GRM7: variants seen among roughly 807,000 people sequenced by gnomAD.
GRM7 encodes the protein metabotropic glutamate receptor 7.
A neutral mutation model predicts 84.5 loss-of-function variants in GRM7; 35 were observed. The observed-to-expected ratio is 0.41, with a 90% CI of 0.32 to 0.55. The LOEUF is 0.55. GRM7 is among the 20% of genes least tolerant of loss of function. The pLI is 0.19. For missense variants in GRM7, 1,003 were observed against 1,194.6 expected (o/e 0.84, Z 2.36); for synonymous variants, 487 against 455.1 (o/e 1.07, Z -0.89).
At chr3:7,699,634 C>T (rs970718968) in intron 9 of GRM7, among the ~76,000 whole-genome samples, 7 of 152,028 alleles carry the variant, frequency 4.6e-5, no homozygotes, top group Non-Finnish European at 1.0e-4. Flanking sequence ...TTTTCTGCTA[C>T]TTATTTTGGC....
At chr3:7,606,493 A>G (rs1230907600) in intron 8 of GRM7, among the ~76,000 whole-genome samples, 2 of 152,164 alleles carry the variant, frequency 1.3e-5, no homozygotes, top group East Asian at 3.9e-4. Context: ...CAATTGTGGA[A>G]CACCTTATCT....
chr3:7,533,383 C>T (rs1701118394), intron 7 of GRM7, among the ~76,000 whole-genome samples: 1 of 152,154 alleles, frequency 6.6e-6, no homozygotes, highest in South Asian at 2.1e-4. Flanking sequence ...GAACAACCTG[C>T]TCCTGAATGA....
At position 7,328,830 on chromosome 3, in the gene GRM7, C is replaced by T. The variant is rs140725460; in HGVS notation, c.1033+22178C>T. Among the ~76,000 whole-genome samples the T allele has an allele frequency of 3.4e-4, 52 of 151,972 alleles. No homozygotes were observed. In the East Asian group the frequency reaches 9.7e-3, roughly 28 times the overall value. Reference sequence around the variant, plus strand: ...TCTTTATTTCTGTGGTGCCCAGGGCCGAGTTTTGCAGATAGTAGAAACCCT... The same window carrying T: ...TCTTTATTTCTGTGGTGCCCAGGGCTGAGTTTTGCAGATAGTAGAAACCCT... On this transcript the variant is annotated intron_variant, in intron 4 of 9. Coordinates refer to ENST00000357716, the MANE Select transcript of GRM7 (RefSeq NM_000844.4).
intron 7 of GRM7, among the ~76,000 whole-genome samples, chr3:7,512,122 C>A (rs1374750054): frequency 6.6e-6 from 1 of 151,936 alleles, no homozygotes; most frequent in Non-Finnish European, 1.5e-5. Flanking sequence ...GCACTCCAGC[C>A]TGAGTGACAG....
intron 4 of GRM7, among the ~76,000 whole-genome samples, chr3:7,329,364 T>G (rs1701109528): frequency 6.6e-6 from 1 of 152,108 alleles, no homozygotes; most frequent in Non-Finnish European, 1.5e-5. Flanking sequence ...TTCCACCCAC[T>G]TGCATTGGAC....
intron 2 of GRM7, among the ~76,000 whole-genome samples, chr3:7,183,514 C>G (rs1695414862): frequency 6.6e-6 from 1 of 152,112 alleles, no homozygotes; most frequent in South Asian, 2.1e-4. Flanking sequence ...GTAGTCCCAG[C>G]TACTCGGGAG....
At chr3:7,485,570 A>T (rs1699290227) in intron 7 of GRM7, among the ~76,000 whole-genome samples, 1 of 152,236 alleles carries the variant, frequency 6.6e-6, no homozygotes, top group Admixed American at 6.5e-5. Context: ...ATTAATTTCA[A>T]GAAATTTAAA....
At chr3:7,228,520 T>A (rs886735348) in intron 2 of GRM7, among the ~76,000 whole-genome samples, 3 of 152,176 alleles carry the variant, frequency 2.0e-5, no homozygotes, top group African/African-American at 7.2e-5. Context: ...CTGTTCCAGA[T>A]CTTGTATTGT....
At chr3:7,633,050 C>T (rs1306032994) in intron 8 of GRM7, among the ~76,000 whole-genome samples, 1 of 152,244 alleles carries the variant, frequency 6.6e-6, no homozygotes, top group Non-Finnish European at 1.5e-5. Flanking sequence ...TTGATGCTTA[C>T]TCTGAAGAAG....
chr3:7,333,550 T>C (rs1701292677), intron 4 of GRM7, among the ~76,000 whole-genome samples: 1 of 152,104 alleles, frequency 6.6e-6, no homozygotes, highest in South Asian at 2.1e-4. Flanking sequence ...TCTGGTAATA[T>C]GACAAAATGA....
chr3:6,996,024 A>T lies in GRM7; in HGVS notation c.519+134117A>T, dbSNP rs2124866419. Among the ~76,000 whole-genome samples, 2 of 152,154 alleles carry T rather than the reference A, an allele frequency of 1.3e-5. 1 individual carries two copies. ...TCCAGCCATACATATGCCTGATGAC[A>T]TGTCCTTTTCTGTGTTTATAATTCT... On this transcript the variant is annotated intron_variant, in intron 1 of 9. Transcript: ENST00000357716.
intron 1 of GRM7, among the ~76,000 whole-genome samples, chr3:7,105,428 T>C (rs901357474): frequency 6.6e-6 from 1 of 151,914 alleles, no homozygotes; most frequent in African/African-American, 2.4e-5. Flanking sequence ...AAGTCTCTCC[T>C]ATAGAAGTTT....
rs146994770 is a variant in GRM7, at chr3:7,471,891, A to G, written c.1515+10169A>G. 2.8e-4 allele frequency among the ~76,000 whole-genome samples: 43 copies of G among 152,244 alleles called. No individual in the cohort carries two copies. In the East Asian group the frequency reaches 7.2e-3, roughly 25 times the overall value. ...CCATTATTCTTAAATGGGGACTGCT[A>G]TCGTTTGAATGTTTGCCCCCTCCAA... On this transcript the variant is annotated intron_variant, in intron 7 of 9. Coordinates refer to ENST00000357716, the MANE Select transcript of GRM7 (RefSeq NM_000844.4).
At chr3:7,042,745 A>G (rs902294973) in intron 1 of GRM7, among the ~76,000 whole-genome samples, 3 of 152,114 alleles carry the variant, frequency 2.0e-5, no homozygotes, top group Non-Finnish European at 1.5e-5. Flanking sequence ...GATCACATGG[A>G]ATACAGTTCT....
chr3:7,305,350 T>C lies in GRM7; in HGVS notation c.879-1148T>C, dbSNP rs550931353. ...TGCTGCTTTTTTTTTTTTCTTTTTT[T>C]TTTTTTTTAATTATACTTTAAGTTT... On this transcript the variant is annotated intron_variant, in intron 3 of 9. Transcript: ENST00000357716. Among the ~76,000 whole-genome samples, 2 of 45,142 alleles carry C rather than the reference T, an allele frequency of 4.4e-5. 1 individual carries two copies. Among genetic ancestry groups the C allele is most frequent in the East Asian group, 1.3e-3 (2 of 1,498 alleles). The allele number at this position is 45,142 out of a possible 152,430, so 29.6% of individuals were successfully genotyped here. A position where few individuals can be genotyped will look rare whatever the true frequency, so the allele number is the denominator to read the frequency against.
chr3:7,439,297 G>T (rs1308400059), intron 5 of GRM7, among the ~76,000 whole-genome samples: 2 of 152,144 alleles, frequency 1.3e-5, no homozygotes, highest in African/African-American at 4.8e-5. Flanking sequence ...GCAAAGGTCA[G>T]CAATATTTAC....
At chr3:7,648,595 G>A (rs1329726412) in intron 8 of GRM7, among the ~76,000 whole-genome samples, 3 of 151,680 alleles carry the variant, frequency 2.0e-5, no homozygotes, top group South Asian at 4.2e-4. Flanking sequence ...GCTGCAGTGA[G>A]CTGAAATTGC....
intron 1 of GRM7, chr3:6,892,820 G>A (rs1696017196): frequency 1.3e-5 from 2 of 152,004 alleles, no homozygotes; most frequent in Admixed American, 6.6e-5. Context: ...GTTACTTGAG[G>A]CTACATCATT....
At chr3:7,042,046 C>T (rs1191450700) in intron 1 of GRM7, among the ~76,000 whole-genome samples, 1 of 152,104 alleles carries the variant, frequency 6.6e-6, no homozygotes, top group African/African-American at 2.4e-5. Context: ...TGGAAGCTTC[C>T]CTACCTCCCA....
Sources: gnomAD v4.1 joint callset for allele counts (sites outside exome capture counted in the v4.1 genomes callset) on GRCh38, gnomAD v4.1.1 for gene constraint, MANE v1.5 for transcripts, NCBI Gene and HGNC (gene_info 2026-07-23, HGNC 2026-07-21) for gene names.